Variants in NMRK1 observed in about 807,000 individuals in gnomAD.
NMRK1 encodes the protein nicotinamide riboside kinase 1.
A neutral mutation model predicts 29.9 loss-of-function variants in NMRK1; 28 were observed. The observed-to-expected ratio is 0.94, with a 90% CI of 0.69 to 1.28. The LOEUF (loss-of-function observed/expected upper bound fraction) is 1.28. Among genes scored for constraint, NMRK1 ranks in the 50% most tolerant of loss-of-function variants. NMRK1 has a pLI of 0.00. For missense variants in NMRK1, 218 were observed against 233.1 expected (o/e 0.94, Z 0.42); for synonymous variants, 58 against 73.0 (o/e 0.79, Z 1.05).
intron 8 of NMRK1, 54 bp from the exon 9 acceptor site, chr9:75,061,621 T>C: frequency 7.1e-7 from 1 of 1,413,282 alleles, no homozygotes; most frequent in East Asian, 2.3e-5. Flanking sequence ...CTCATTTTAT[T>C]AAATCTTTAC....
intron 7 of NMRK1, among the ~76,000 whole-genome samples, chr9:75,067,723 T>C (rs572993191): frequency 6.6e-6 from 1 of 152,332 alleles, no homozygotes; most frequent in East Asian, 1.9e-4. Context: ...AAGAGGATGT[T>C]CTTGCAACCA....
At chr9:75,086,770 A>G (rs1165374267) in intron 1 of NMRK1, among the ~76,000 whole-genome samples, 1 of 152,178 alleles carries the variant, frequency 6.6e-6, no homozygotes, top group Non-Finnish European at 1.5e-5. Context: ...TTAAAAAGAG[A>G]AAAATGTTTC....
intron 1 of NMRK1, among the ~76,000 whole-genome samples, chr9:75,086,518 T>C (rs1317953071): frequency 1.3e-5 from 2 of 152,264 alleles, no homozygotes; most frequent in African/African-American, 4.8e-5. Flanking sequence ...ACACTTTTTT[T>C]TAACCCTAAG....
chr9:75,076,582 A>G (rs972227117), intron 4 of NMRK1, among the ~76,000 whole-genome samples: 1 of 152,180 alleles, frequency 6.6e-6, no homozygotes, highest in Non-Finnish European at 1.5e-5. Context: ...CAGTTTTATT[A>G]TTTCATTTTA....
chr9:75,077,536 T>C lies in NMRK1; in HGVS notation c.74A>G (p.Lys25Arg), dbSNP rs1192805416. 1.2e-6 allele frequency: 2 copies of C among 1,613,816 alleles called. No homozygotes were observed. Among genetic ancestry groups the C allele is most frequent in the Non-Finnish European group, 1.7e-6 (2 of 1,179,720 alleles). ...TATGACACTGCAATTTGGGAGGTGT[T>C]TCTGCAAATTCTTAGCCAGTGTTGT... ...GKTTLAKNLQKHLPNCSVISQ... is the reference protein window; with the variant it reads ...GKTTLAKNLQRHLPNCSVISQ... The change falls in exon 3 of 9, where the codon AAA becomes AGA. Residue 25 changes from lysine (K) to arginine (R), a missense_variant. Lys to Arg is a conservative substitution (Grantham distance 26). Coordinates refer to ENST00000361092, the MANE Select transcript of NMRK1 (RefSeq NM_017881.3).
intron 1 of NMRK1, among the ~76,000 whole-genome samples, chr9:75,084,991 C>T (rs1026595181): frequency 2.0e-5 from 3 of 151,916 alleles, no homozygotes; most frequent in Non-Finnish European, 4.4e-5. Context: ...TTTGGTATGT[C>T]GGTTCAATGC....
At chr9:75,071,914 C>T (rs1484058956) in intron 4 of NMRK1, among the ~76,000 whole-genome samples, 3 of 152,080 alleles carry the variant, frequency 2.0e-5, no homozygotes, top group Non-Finnish European at 2.9e-5. Context: ...CAGGTGGAGG[C>T]GAAAGTGCAG....
chr9:75,078,633 A>C, intron 2 of NMRK1: 1 of 1,011,242 alleles, frequency 9.9e-7, no homozygotes, highest in Non-Finnish European at 1.3e-6. Flanking sequence ...AAAAAATTAT[A>C]CCTTTATTTT....
intron 1 of NMRK1, 184 bp downstream of exon 1, chr9:75,087,824 C>G (rs1190781164): frequency 6.6e-6 from 1 of 152,288 alleles, no homozygotes; most frequent in Non-Finnish European, 1.5e-5. Flanking sequence ...TAGAGCACCA[C>G]GCCACCATGA....
In NMRK1 at chr9:75,069,050, A is replaced by G; in HGVS notation, c.442T>C (p.Trp148Arg). ...DSPGYFDGHV[W>R]PMYLKYRQEM... ...TGTCTGTACTTTAGATACATGGGCC[A>G]CACATGGCCATCAAAGTATCCCGGA... The change falls in exon 7 of 9, where the codon TGG (tryptophan) becomes CGG (arginine). Residue 148 changes from tryptophan (W) to arginine (R), a missense_variant. By Grantham distance (101) the Trp-to-Arg change is moderately radical. Transcript: ENST00000361092. 2 of 1,614,210 alleles carry G rather than the reference A, an allele frequency of 1.2e-6. No homozygotes were observed. Among genetic ancestry groups the G allele is most frequent in the Non-Finnish European group, 1.7e-6 (2 of 1,180,004 alleles).
intron 2 of NMRK1, among the ~76,000 whole-genome samples, chr9:75,078,074 G>T (rs565401039): frequency 4.5e-4 from 69 of 152,280 alleles, no homozygotes; most frequent in African/African-American, 1.7e-3. Context: ...GAAATAAGCT[G>T]GGAAAGATGA....
chr9:75,072,492 A>G (rs546115315), intron 4 of NMRK1, among the ~76,000 whole-genome samples: 115 of 152,332 alleles, frequency 7.5e-4, no homozygotes, highest in Non-Finnish European at 1.4e-3. Context: ...GTTTTGCTTC[A>G]GATAAACTAC....
At chr9:75,073,773 C>T (rs576922603) in intron 4 of NMRK1, among the ~76,000 whole-genome samples, 8 of 152,256 alleles carry the variant, frequency 5.3e-5, no homozygotes, top group South Asian at 2.1e-4. Flanking sequence ...AAAACTCCCA[C>T]ACCGATTGTG....
intron 7 of NMRK1, among the ~76,000 whole-genome samples, chr9:75,067,538 A>G (rs951814546): frequency 6.6e-6 from 1 of 152,164 alleles, no homozygotes; most frequent in African/African-American, 2.4e-5. Context: ...AAGCTCCAGG[A>G]ACAGCGTGAG....
rs538001620 is a variant in NMRK1 at position 75,068,781 on chromosome 9, C to T, written c.496+215G>A. Among the ~76,000 whole-genome samples the T allele has an allele frequency of 1.8e-4, 28 of 152,286 alleles. No individual in the cohort carries two copies. The East Asian group carries it at 3.9e-3, about 21-fold the overall frequency. On this transcript the variant is annotated intron_variant, in intron 7 of 8. Transcript: ENST00000361092. ...CCATCTCCAGGGCAGCACTGGAAGGCATTCATTCAATACTGGTTGAATGAA... is the reference window on the plus strand; with the variant it reads ...CCATCTCCAGGGCAGCACTGGAAGGTATTCATTCAATACTGGTTGAATGAA...
chr9:75,083,349 GACTGTCAAACAGTTCAACGTCAGGTGA>G (rs1824431170), intron 1 of NMRK1, among the ~76,000 whole-genome samples, 199 bp from the exon 2 acceptor site: 1 of 152,158 alleles, frequency 6.6e-6, no homozygotes, highest in Non-Finnish European at 1.5e-5. Flanking sequence ...GTGTGCTCAG[GACTGTCAAACAGTTCAACGTCAGGTGA>G]CCTGCCGGAG....
chr9:75,085,733 T>G (rs1186975512), intron 1 of NMRK1, among the ~76,000 whole-genome samples: 1 of 131,846 alleles, frequency 7.6e-6, no homozygotes, highest in Non-Finnish European at 1.7e-5. Context: ...TAAGTTTTTT[T>G]TTTTTTTTTT....
chr9:75,076,857 G>A (rs909712850), intron 4 of NMRK1, among the ~76,000 whole-genome samples: 3 of 152,156 alleles, frequency 2.0e-5, no homozygotes, highest in Non-Finnish European at 4.4e-5. Flanking sequence ...CCTTCCAAAA[G>A]TGCTGGCATT....
At chr9:75,083,653 T>C (rs1332860150) in intron 1 of NMRK1, among the ~76,000 whole-genome samples, 3 of 152,102 alleles carry the variant, frequency 2.0e-5, no homozygotes, top group African/African-American at 7.2e-5. Context: ...AAGAAGAAAG[T>C]TACTGCTGGC....
Sources: allele counts gnomAD v4.1 joint callset (sites outside exome capture counted in the v4.1 genomes callset), GRCh38; gene constraint gnomAD v4.1.1; transcripts MANE v1.5; gene names NCBI Gene and HGNC (gene_info 2026-07-23, HGNC 2026-07-21).